ELAVL1: variants seen among roughly 807,000 people sequenced by gnomAD.
ELAVL1 encodes the protein ELAV like RNA binding protein 1.
In ELAVL1, 1 loss-of-function variant was observed where a neutral mutation model predicts 28.4. That is an observed-to-expected ratio of 0.04 (90% CI 0.01 to 0.17). ELAVL1 has a LOEUF of 0.17. Among genes scored for constraint, ELAVL1 ranks in the 10% least tolerant of loss-of-function variants. ELAVL1 has a pLI of 1.00. For synonymous variants in ELAVL1, 174 were observed against 183.5 expected (o/e 0.95, Z 0.42); for missense variants, 157 against 447.2 (o/e 0.35, Z 5.85).
intron 2 of ELAVL1, among the ~76,000 whole-genome samples, chr19:7,990,195 G>A (rs867261591): frequency 1.3e-4 from 20 of 151,550 alleles, no homozygotes; most frequent in Admixed American, 8.5e-4. Flanking sequence ...GCTAATTTTT[G>A]AATTTTAGTA....
At chr19:7,976,101 A>G (rs1050647791) in intron 3 of ELAVL1, among the ~76,000 whole-genome samples, 1 of 151,660 alleles carries the variant, frequency 6.6e-6, no homozygotes, top group Non-Finnish European at 1.5e-5. Flanking sequence ...TTTAAAAAAA[A>G]AAAAAAAGTA....
intron 5 of ELAVL1, among the ~76,000 whole-genome samples, chr19:7,965,358 G>A (rs1024044330): frequency 1.3e-5 from 2 of 152,248 alleles, no homozygotes; most frequent in Non-Finnish European, 2.9e-5. Flanking sequence ...TTACAGGCGT[G>A]AGTCAATGCG....
chr19:8,001,864 G>T (rs1055266147), intron 1 of ELAVL1, among the ~76,000 whole-genome samples: 1 of 152,072 alleles, frequency 6.6e-6, no homozygotes, highest in African/African-American at 2.4e-5. Flanking sequence ...CACGTGCCAG[G>T]CACAGAGCAA....
chr19:8,002,243 G>T, intron 1 of ELAVL1: 1 of 688,380 alleles, frequency 1.5e-6, no homozygotes, highest in Non-Finnish European at 2.2e-6. Flanking sequence ...GTCTTTGCCT[G>T]GTTAGCTCCT....
chr19:7,976,577 G>C (rs1985299516), intron 3 of ELAVL1, among the ~76,000 whole-genome samples: 1 of 152,206 alleles, frequency 6.6e-6, no homozygotes. Flanking sequence ...GAAGCTGTGA[G>C]AGAGGCCTGT....
At chr19:7,966,945 T>C (rs1984971032) in intron 5 of ELAVL1, among the ~76,000 whole-genome samples, 1 of 151,994 alleles carries the variant, frequency 6.6e-6, no homozygotes, top group Non-Finnish European at 1.5e-5. Flanking sequence ...AGCTCGCGGC[T>C]CCGTTCTGCT....
At chr19:8,004,610 T>C (rs2081080528) in intron 1 of ELAVL1, among the ~76,000 whole-genome samples, 1 of 152,110 alleles carries the variant, frequency 6.6e-6, no homozygotes, top group South Asian at 2.1e-4. Flanking sequence ...CAAACATCAG[T>C]AGGGCCAACG....
rs1985465349 is a variant in ELAVL1, at chr19:7,981,574, G to A, written c.173-388C>T. On this transcript the variant is annotated intron_variant, in intron 2 of 5. Transcript: ENST00000407627. This position sits in a 1 kb window ranked among gnomAD's most constrained non-coding sequence, Gnocchi z 4.2. ...GGGGTCTCACTATGTCACCCAGGCT[G>A]GTCTAAAACTTCTGGGCTCAAGCAA... Among the ~76,000 whole-genome samples, 1 of 151,918 alleles carries A rather than the reference G, an allele frequency of 6.6e-6. No homozygotes were observed. The highest frequency in any genetic ancestry group is 6.6e-5 in the Admixed American group (1 of 15,250).
At chr19:7,990,475 C>T (rs567451561) in intron 2 of ELAVL1, among the ~76,000 whole-genome samples, 5 of 151,670 alleles carry the variant, frequency 3.3e-5, no homozygotes, top group African/African-American at 1.2e-4. Flanking sequence ...AAGCAATTCT[C>T]CTGCCTCAGC....
At chr19:7,986,874 G>A (rs561799054) in intron 2 of ELAVL1, among the ~76,000 whole-genome samples, 14 of 152,284 alleles carry the variant, frequency 9.2e-5, no homozygotes, top group South Asian at 4.1e-4. Context: ...CCATGAATAC[G>A]TAAAGAAAAT....
intron 4 of ELAVL1, among the ~76,000 whole-genome samples, chr19:7,971,756 C>G (rs1359916489): frequency 2.6e-5 from 4 of 152,230 alleles, no homozygotes; most frequent in African/African-American, 9.6e-5. Context: ...CAAAGGGGCC[C>G]TTCCCCTCCT....
Position 7,960,572 on chromosome 19 carries a change from G to A in ELAVL1, c.*2911C>T, listed in dbSNP as rs1481790423. On this transcript the variant is annotated 3_prime_UTR_variant, in exon 6 of 6. Transcript: ENST00000407627. ...GGGGGAACAAGGGAGAATTCATCAG[G>A]AAGCAGGTTCACAAATTCGGAGCTG... The A allele has an allele frequency of 6.6e-6, 1 of 152,588 alleles. No homozygotes were observed. Among genetic ancestry groups the A allele is most frequent in the Non-Finnish European group, 1.5e-5 (1 of 68,042 alleles). 9.5% of individuals were successfully genotyped at this position (152,588 alleles called of 1,614,324 possible).
intron 1 of ELAVL1, among the ~76,000 whole-genome samples, chr19:7,992,398 T>C (rs1304270014): frequency 1.3e-5 from 2 of 152,214 alleles, no homozygotes; most frequent in African/African-American, 4.8e-5. Flanking sequence ...TCCATTCATG[T>C]GGTTCAGCTG....
rs183528970 is a variant in ELAVL1 at position 7,963,428 on chromosome 19, T to C, written c.*55A>G. Reference sequence around the variant, plus strand: ...ATGAGTTGTACACTAACAAGAAAAGTTTCAACTCCTTCACTCTTAATTATC... The same window carrying C: ...ATGAGTTGTACACTAACAAGAAAAGCTTCAACTCCTTCACTCTTAATTATC... On this transcript the variant is annotated 3_prime_UTR_variant, in exon 6 of 6. Coordinates refer to ENST00000407627, the MANE Select transcript of ELAVL1 (RefSeq NM_001419.3). The surrounding 1 kb of genome is among the most constrained non-coding windows in gnomAD (Gnocchi z 4.5). 2 of 1,541,320 alleles carry C rather than the reference T, an allele frequency of 1.3e-6. No homozygotes were observed.
chr19:7,998,304 C>A (rs780584530), intron 1 of ELAVL1, among the ~76,000 whole-genome samples: 1 of 152,216 alleles, frequency 6.6e-6, no homozygotes, highest in Non-Finnish European at 1.5e-5. Context: ...TTCTGTCTCT[C>A]GAGGTGCAAG....
At chr19:7,964,339 C>G in intron 5 of ELAVL1, among the ~76,000 whole-genome samples, 1 of 152,122 alleles carries the variant, frequency 6.6e-6, no homozygotes, top group East Asian at 1.9e-4. Flanking sequence ...TTGTAGGGCA[C>G]AAGAATTCCT....
chr19:7,998,461 G>C (rs915305025), intron 1 of ELAVL1, among the ~76,000 whole-genome samples: 6 of 152,158 alleles, frequency 3.9e-5, no homozygotes, highest in African/African-American at 1.4e-4. Flanking sequence ...AAGTTGTCAT[G>C]ACAATGCAAC....
At chr19:7,980,620 G>T (rs1361185282) in intron 3 of ELAVL1, among the ~76,000 whole-genome samples, 4 of 152,166 alleles carry the variant, frequency 2.6e-5, no homozygotes, top group African/African-American at 7.2e-5. Context: ...GGCAACTGCC[G>T]GTCACACATG....
Position 7,991,836 on chromosome 19 carries a change from C to T in ELAVL1, c.-16-5G>A, listed in dbSNP as rs1445892861. 2.5e-6 allele frequency: 4 copies of T among 1,573,102 alleles called. No homozygotes were observed. Among genetic ancestry groups the T allele is most frequent in the African/African-American group, 1.4e-5 (1 of 73,354 alleles). Reference sequence around the variant, plus strand: ...GACATTGTATTTTTCAAAAATCTGCCAAGAGAAAAAGAGCAAGTAAATTCA... The same window carrying T: ...GACATTGTATTTTTCAAAAATCTGCTAAGAGAAAAAGAGCAAGTAAATTCA... On this transcript the variant is annotated splice_region_variant and splice_polypyrimidine_tract_variant and intron_variant, in intron 1 of 5. Transcript: ENST00000407627.
Sources: gnomAD v4.1 joint callset for allele counts (sites outside exome capture counted in the v4.1 genomes callset) on GRCh38, gnomAD v4.1.1 for gene constraint, Gnocchi (gnomAD v3.1) non-coding constraint, MANE v1.5 for transcripts, NCBI Gene and HGNC (gene_info 2026-07-23, HGNC 2026-07-21) for gene names.